CREB3L1: variants seen among roughly 807,000 people sequenced by gnomAD.
CREB3L1 encodes the protein cAMP responsive element binding protein 3 like 1, also known as cyclic AMP-responsive element-binding protein 3-like protein 1.
Under a neutral mutation model 54.5 loss-of-function variants are expected in CREB3L1, and 33 were observed. The ratio of observed to expected loss-of-function variants is 0.61; its 90% CI spans 0.46 to 0.81. The LOEUF is 0.81. Ranked by LOEUF, CREB3L1 falls within the 30% of genes least tolerant of loss-of-function variation. CREB3L1 has a pLI of 0.00. For missense variants in CREB3L1, 656 were observed against 673.3 expected, an observed-to-expected ratio of 0.97 and a Z score of 0.29; for synonymous variants, 284 against 286.4, an observed-to-expected ratio of 0.99 and a Z score of 0.08.
chr11:46,311,625 G>A (rs1047245360), intron 5 of CREB3L1, among the ~76,000 whole-genome samples: 17 of 151,820 alleles, frequency 1.1e-4, no homozygotes, highest in Middle Eastern at 3.2e-3. Flanking sequence ...TCAGCCTCCC[G>A]AGTAGCTGGT....
In CREB3L1 at chr11:46,278,335, AG is replaced by A. The variant is rs1465899594; in HGVS notation, c.102+125del. Reference sequence around the variant, plus strand: ...AGGAGCCGGGGAGAGGGTTCAGCGCAGGGTCTCCAGGAGCGACATGTGTTTG... The same window carrying A: ...AGGAGCCGGGGAGAGGGTTCAGCGCAGGTCTCCAGGAGCGACATGTGTTTG... On this transcript the variant is annotated intron_variant, in intron 1 of 11. Transcript: ENST00000621158. The surrounding 1 kb of genome is among the most constrained non-coding windows in gnomAD (Gnocchi z 4.2). 5.3e-5 allele frequency: 31 copies of A among 583,620 alleles called. No individual in the cohort carries two copies. The East Asian group carries it at 5.8e-4, about 11-fold the overall frequency. 36.2% of individuals were successfully genotyped at this position (583,620 alleles called of 1,614,324 possible). A position where few individuals can be genotyped will look rare whatever the true frequency, so the allele number is the denominator to read the frequency against.
intron 1 of CREB3L1, among the ~76,000 whole-genome samples, chr11:46,294,555 T>C (rs934618127): frequency 6.6e-6 from 1 of 152,140 alleles, no homozygotes; most frequent in Non-Finnish European, 1.5e-5. Context: ...AATTAGGGCC[T>C]CCTGAGTTTC....
At chr11:46,287,566 C>T (rs1449345725) in intron 1 of CREB3L1, among the ~76,000 whole-genome samples, 2 of 152,090 alleles carry the variant, frequency 1.3e-5, no homozygotes, top group East Asian at 1.9e-4. Flanking sequence ...TCCCAAAGTG[C>T]TAAGATTACA....
chr11:46,307,909 C>T lies in CREB3L1; in HGVS notation c.425C>T (p.Ala142Val). The T allele has an allele frequency of 6.4e-7, 1 of 1,574,754 alleles. No individual in the cohort carries two copies. Among genetic ancestry groups the T allele is most frequent in the African/African-American group, 1.4e-5 (1 of 73,802 alleles). ...QSPELPVDPL[A>V]APSAMAAAAA... ...CCGGAGCTGCCCGTGGACCCTCTGG[C>T]TGCCCCCTCGGCCATGGCTGCCGCG... The change falls in exon 3 of 12, where the codon GCT (alanine) becomes GTT (valine). Residue 142 changes from alanine to valine, a missense_variant. This residue lies in a region of CREB3L1 where 339 missense variants were observed against 331.5 expected (regional missense o/e 1.02). Coordinates refer to ENST00000621158, the MANE Select transcript of CREB3L1 (RefSeq NM_052854.4).
intron 8 of CREB3L1, chr11:46,315,927 G>C: frequency 4.2e-6 from 1 of 240,810 alleles, no homozygotes; most frequent in South Asian, 8.3e-5. Context: ...ATCAGCTCAG[G>C]GTGCTGGGGG....
chr11:46,303,690 A>C (rs1227589385), intron 2 of CREB3L1, among the ~76,000 whole-genome samples: 1 of 151,888 alleles, frequency 6.6e-6, no homozygotes, highest in Non-Finnish European at 1.5e-5. Context: ...TTCACTGTGC[A>C]CATAAAAGTC....
At chr11:46,288,428 T>C (rs942632182) in intron 1 of CREB3L1, among the ~76,000 whole-genome samples, 3 of 152,208 alleles carry the variant, frequency 2.0e-5, no homozygotes, top group African/African-American at 4.8e-5. Flanking sequence ...TGGTCCCCCT[T>C]GCTGTTTTTA....
At position 46,321,391 on chromosome 11, in the gene CREB3L1, C is replaced by T. The variant is rs1213131789; in HGVS notation, c.*645C>T. On this transcript the variant is annotated 3_prime_UTR_variant, in exon 12 of 12. Coordinates refer to ENST00000621158, the MANE Select transcript of CREB3L1 (RefSeq NM_052854.4). ...CAGCACATGCTTTAAGAAAGCAAAA[C>T]CAAAAAAAAAAAAAAAAAGATGCAG... 6.3e-6 allele frequency: 1 copy of T among 158,200 alleles called. No homozygotes were observed. Among genetic ancestry groups the T allele is most frequent in the Non-Finnish European group, 1.3e-5 (1 of 77,438 alleles). The allele number at this position is 158,200 out of a possible 1,614,324, so 9.8% of individuals were successfully genotyped here.
rs1031658196 is a variant in CREB3L1, at chr11:46,295,790, T to G, written c.103-4145T>G. Among the ~76,000 whole-genome samples, 4 of 152,108 alleles carry G rather than the reference T, an allele frequency of 2.6e-5. No homozygotes were observed. Among genetic ancestry groups the G allele is most frequent in the African/African-American group, 9.7e-5 (4 of 41,436 alleles). ...CAGGACGGCGGCACCCGGATCCTTCTCTAAAATTTAAAGGGCGGGCGGCTG... is the reference window on the plus strand; with the variant it reads ...CAGGACGGCGGCACCCGGATCCTTCGCTAAAATTTAAAGGGCGGGCGGCTG... On this transcript the variant is annotated intron_variant, in intron 1 of 11. Transcript: ENST00000621158. This position sits in a 1 kb window ranked among gnomAD's most constrained non-coding sequence, Gnocchi z 4.6.
chr11:46,320,867 G>T lies in CREB3L1; in HGVS notation c.*121G>T. On this transcript the variant is annotated 3_prime_UTR_variant, in exon 12 of 12. Coordinates refer to ENST00000621158, the MANE Select transcript of CREB3L1 (RefSeq NM_052854.4). ...GGAGCTTCCCATTCCAGGAGAAAAG[G>T]CTCCACTTCCCAGCCCTTCCTTGCC... 9.3e-7 allele frequency: 1 copy of T among 1,072,998 alleles called. No homozygotes were observed. Among genetic ancestry groups the T allele is most frequent in the Non-Finnish European group, 1.4e-6 (1 of 710,932 alleles). The allele number at this position is 1,072,998 out of a possible 1,614,324, so 66.5% of individuals were successfully genotyped here.
chr11:46,320,065 A>G (rs921870796), intron 10 of CREB3L1, among the ~76,000 whole-genome samples, 199 bp from the exon 11 acceptor site: 3 of 152,048 alleles, frequency 2.0e-5, no homozygotes, highest in Non-Finnish European at 4.4e-5. Flanking sequence ...TGGTCCTAGT[A>G]TCCCTATTTT....
Position 46,309,972 on chromosome 11 carries a change from G to A in CREB3L1, c.517-17G>A. On this transcript the variant is annotated splice_polypyrimidine_tract_variant and intron_variant, in intron 3 of 11. Transcript: ENST00000621158. ...ACCCAGGGGCAGCTAATGGAGCTGGGCTTGTCTGTTCCTCAGGCCCCGGGA... is the reference window on the plus strand; with the variant it reads ...ACCCAGGGGCAGCTAATGGAGCTGGACTTGTCTGTTCCTCAGGCCCCGGGA... The A allele has an allele frequency of 1.3e-6, 2 of 1,587,576 alleles. No individual in the cohort carries two copies. Among genetic ancestry groups the A allele is most frequent in the Non-Finnish European group, 1.7e-6 (2 of 1,166,900 alleles).
chr11:46,310,971 A>G (rs1939475714), intron 4 of CREB3L1, 61 bp from the exon 5 acceptor site: 4 of 1,499,700 alleles, frequency 2.7e-6, no homozygotes, highest in Non-Finnish European at 3.6e-6. Flanking sequence ...AGCTGAACTC[A>G]TGATGTCCAA....
chr11:46,277,900 C>T lies in CREB3L1; in HGVS notation c.-212C>T. 1 of 382,538 alleles carries T rather than the reference C, an allele frequency of 2.6e-6. No homozygotes were observed. The highest frequency in any genetic ancestry group is 4.6e-6 in the Non-Finnish European group (1 of 216,334). 23.7% of individuals were successfully genotyped at this position (382,538 alleles called of 1,614,324 possible). On this transcript the variant is annotated 5_prime_UTR_variant, in exon 1 of 12. Coordinates refer to ENST00000621158, the MANE Select transcript of CREB3L1 (RefSeq NM_052854.4). ...ACGGTGCGCCCGGGGCCCCTGAGCC[C>T]ATCCCGCTCCTAGCCGCTGCCCTAA...
At chr11:46,282,799 T>G (rs1938999020) in intron 1 of CREB3L1, among the ~76,000 whole-genome samples, 1 of 152,238 alleles carries the variant, frequency 6.6e-6, no homozygotes, top group African/African-American at 2.4e-5. Context: ...ATCAGTTTTG[T>G]GCATTGACAT....
intron 8 of CREB3L1, chr11:46,316,019 G>A (rs1048448066): frequency 5.0e-6 from 2 of 399,514 alleles, no homozygotes; most frequent in Non-Finnish European, 9.1e-6. Context: ...CTGGGGGCAG[G>A]CCTTCCCTCC....
intron 1 of CREB3L1, among the ~76,000 whole-genome samples, chr11:46,291,555 G>C (rs1271666914): frequency 6.6e-6 from 1 of 152,172 alleles, no homozygotes; most frequent in Non-Finnish European, 1.5e-5. Flanking sequence ...ACGTAAGAGG[G>C]GGTGGACCTA....
At position 46,321,143 on chromosome 11, in the gene CREB3L1, A is replaced by AT; in HGVS notation, c.*398dup. The stretch of plus-strand genomic sequence containing the variant: ...CAAGAACAGAAATTGTTTGTAAATA[A>AT]TGAACCTTATTTTTTATTATTGCCA... On this transcript the variant is annotated 3_prime_UTR_variant, in exon 12 of 12. Coordinates refer to ENST00000621158, the MANE Select transcript of CREB3L1 (RefSeq NM_052854.4). 2.4e-6 allele frequency: 1 copy of AT among 412,502 alleles called. No individual in the cohort carries two copies. The highest frequency in any genetic ancestry group is 4.6e-6 in the Non-Finnish European group (1 of 219,120). The allele number at this position is 412,502 out of a possible 1,614,324, so 25.6% of individuals were successfully genotyped here.
chr11:46,311,938 T>C (rs1939492785), intron 5 of CREB3L1, among the ~76,000 whole-genome samples: 1 of 152,140 alleles, frequency 6.6e-6, no homozygotes, highest in African/African-American at 2.4e-5. Flanking sequence ...GCCCAGATGG[T>C]CCAGAATCCC....
Sources: allele counts gnomAD v4.1 joint callset (sites outside exome capture counted in the v4.1 genomes callset), GRCh38; gene constraint gnomAD v4.1.1; regional missense constraint gnomAD v4.1.1; non-coding constraint Gnocchi (gnomAD v3.1); transcripts MANE v1.5; gene names NCBI Gene and HGNC (gene_info 2026-07-23, HGNC 2026-07-21).